Variants in PPFIA2 observed in about 807,000 individuals in gnomAD.
PPFIA2 encodes the protein liprin-alpha-2.
Under a neutral mutation model 175.5 loss-of-function variants are expected in PPFIA2, and 46 were observed. The ratio of observed to expected loss-of-function variants is 0.26; its 90% CI spans 0.21 to 0.34. The LOEUF (loss-of-function observed/expected upper bound fraction) is 0.34, where lower values mean the gene tolerates loss of function less well. Among genes scored for constraint, PPFIA2 ranks in the 10% least tolerant of loss-of-function variants. The pLI, the probability that PPFIA2 is intolerant of heterozygous loss-of-function variation, is 1.00. For synonymous variants in PPFIA2, 568 were observed against 511.4 expected (o/e 1.11, Z -1.49); for missense variants, 1,179 against 1,506.1 (o/e 0.78, Z 3.60).
chr12:81,597,313 G>C (rs2059355213), intron 4 of PPFIA2, among the ~76,000 whole-genome samples: 1 of 151,956 alleles, frequency 6.6e-6, no homozygotes, highest in South Asian at 2.1e-4. Flanking sequence ...AATACATTTA[G>C]TAGGTAACAG....
intron 5 of PPFIA2, among the ~76,000 whole-genome samples, chr12:81,449,378 C>T (rs1313242128): frequency 6.6e-6 from 1 of 151,940 alleles, no homozygotes; most frequent in African/African-American, 2.4e-5. Context: ...ATAATAAACC[C>T]CCTTTTTGGA....
intron 4 of PPFIA2, among the ~76,000 whole-genome samples, chr12:81,458,551 G>T (rs1052228555): frequency 1.6e-4 from 25 of 152,004 alleles, no homozygotes; most frequent in African/African-American, 6.0e-4. Flanking sequence ...GATAGAAATA[G>T]GTCATATTGT....
intron 22 of PPFIA2, 113 bp from the exon 23 acceptor site, chr12:81,299,495 T>C (rs941969487): frequency 7.3e-7 from 1 of 1,362,240 alleles, no homozygotes; most frequent in South Asian, 1.6e-5. Flanking sequence ...TTTTTTATGA[T>C]ACAATATAGA....
chr12:81,468,998 C>T (rs1344919412), intron 4 of PPFIA2, among the ~76,000 whole-genome samples: 1 of 152,132 alleles, frequency 6.6e-6, no homozygotes, highest in East Asian at 1.9e-4. Context: ...AAAGTACATC[C>T]CAGCCTAAGA....
intron 4 of PPFIA2, among the ~76,000 whole-genome samples, chr12:81,544,220 A>G (rs1210894597): frequency 6.6e-6 from 1 of 152,152 alleles, no homozygotes; most frequent in African/African-American, 2.4e-5. Flanking sequence ...GTATTCTTAT[A>G]AAAGCTTATT....
intron 7 of PPFIA2, among the ~76,000 whole-genome samples, chr12:81,407,369 G>C (rs1379475486): frequency 6.6e-6 from 1 of 151,842 alleles, no homozygotes; most frequent in Non-Finnish European, 1.5e-5. Context: ...TGTAATCCCA[G>C]CTACTCAGGA....
At chr12:81,629,968 C>A (rs150662302) in intron 4 of PPFIA2, among the ~76,000 whole-genome samples, 6 of 152,206 alleles carry the variant, frequency 3.9e-5, no homozygotes, top group East Asian at 3.9e-4. Flanking sequence ...ATTCAGTGGT[C>A]CCAATGCAAT....
At chr12:81,295,359 C>T (rs570734631) in intron 23 of PPFIA2, among the ~76,000 whole-genome samples, 87 of 152,312 alleles carry the variant, frequency 5.7e-4, no homozygotes, top group South Asian at 2.3e-3. Flanking sequence ...GGGACCAGAA[C>T]GGCTACAAGC....
In PPFIA2 at chr12:81,461,116, C is replaced by T. The variant is rs576034450; in HGVS notation, c.304-3250G>A. Among the ~76,000 whole-genome samples the T allele has an allele frequency of 2.6e-5, 4 of 152,124 alleles. No individual in the cohort carries two copies. The South Asian group carries it at 8.3e-4, about 32-fold the overall frequency. On this transcript the variant is annotated intron_variant, in intron 4 of 32. Transcript: ENST00000549396. ...AAAATTCAAACCACCCAAAACATAA[C>T]CCTTTCATAACTAATTAGCTTTATT...
At chr12:81,561,836 T>A (rs191087718) in intron 4 of PPFIA2, among the ~76,000 whole-genome samples, 2 of 152,196 alleles carry the variant, frequency 1.3e-5, no homozygotes, top group Non-Finnish European at 2.9e-5. Context: ...CTTAAAAAAA[T>A]TAACTGCTTA....
At chr12:81,283,253 T>C (rs545699710) in intron 25 of PPFIA2, among the ~76,000 whole-genome samples, 6 of 152,240 alleles carry the variant, frequency 3.9e-5, no homozygotes, top group Admixed American at 6.5e-5. Flanking sequence ...TTAATTCTAA[T>C]TTAAATGTTA....
chr12:81,472,113 T>C (rs997275401), intron 4 of PPFIA2, among the ~76,000 whole-genome samples: 1 of 152,150 alleles, frequency 6.6e-6, no homozygotes, highest in Non-Finnish European at 1.5e-5. Flanking sequence ...GACCATATTG[T>C]TGTATGATCC....
intron 4 of PPFIA2, among the ~76,000 whole-genome samples, chr12:81,522,259 A>T (rs546730208): frequency 4.6e-4 from 70 of 152,328 alleles, no homozygotes; most frequent in African/African-American, 1.6e-3. Flanking sequence ...GGAATAAATA[A>T]ATACTCTCCT....
chr12:81,406,496 A>G (rs992759646), intron 7 of PPFIA2, among the ~76,000 whole-genome samples: 129 of 152,244 alleles, frequency 8.5e-4, no homozygotes, highest in African/African-American at 3.0e-3. Context: ...TAATTTGCAA[A>G]CACAAATTAA....
intron 4 of PPFIA2, among the ~76,000 whole-genome samples, chr12:81,668,436 C>T (rs535617017): frequency 3.9e-5 from 6 of 152,130 alleles, no homozygotes; most frequent in Admixed American, 6.6e-5. Context: ...CTTGCATGTC[C>T]GCAAACTCCA....
Position 81,445,085 on chromosome 12 carries a change from GA to G in PPFIA2, c.570+470del, listed in dbSNP as rs1322462648. Among the ~76,000 whole-genome samples, 3 of 151,414 alleles carry G rather than the reference GA, an allele frequency of 2.0e-5. No individual in the cohort carries two copies. In the East Asian group the frequency reaches 5.8e-4, roughly 30 times the overall value. On this transcript the variant is annotated intron_variant, in intron 6 of 32. Coordinates refer to ENST00000549396, the MANE Select transcript of PPFIA2 (RefSeq NM_003625.5). ...TAAAACTATGATATTAGAGACATTAGAAAATAAGATGCTTCTAAAATAAATG... is the reference window on the plus strand; with the variant it reads ...TAAAACTATGATATTAGAGACATTAGAAATAAGATGCTTCTAAAATAAATG...
At chr12:81,286,521 C>A (rs985948270) in intron 24 of PPFIA2, among the ~76,000 whole-genome samples, 1 of 151,952 alleles carries the variant, frequency 6.6e-6, no homozygotes, top group South Asian at 2.1e-4. Context: ...TCATGCTGTG[C>A]AGGTTTGTAC....
intron 4 of PPFIA2, among the ~76,000 whole-genome samples, chr12:81,538,376 T>C (rs995018733): frequency 2.6e-5 from 4 of 151,914 alleles, no homozygotes; most frequent in African/African-American, 9.7e-5. Flanking sequence ...AATACATGGA[T>C]ATATTATTAT....
At chr12:81,594,428 A>G (rs1278311735) in intron 4 of PPFIA2, among the ~76,000 whole-genome samples, 1 of 152,198 alleles carries the variant, frequency 6.6e-6, no homozygotes, top group Admixed American at 6.5e-5. Context: ...AAACAGAAAT[A>G]ATTCTTCTAT....
Sources: allele counts gnomAD v4.1 joint callset (sites outside exome capture counted in the v4.1 genomes callset), GRCh38; gene constraint gnomAD v4.1.1; transcripts MANE v1.5; gene names NCBI Gene and HGNC (gene_info 2026-07-23, HGNC 2026-07-21).